The following RPS6KC1 variants were observed in gnomAD, a reference collection of about 807,000 sequenced individuals.
RPS6KC1 encodes ribosomal protein S6 kinase C1.
RPS6KC1 carries 54 observed loss-of-function variants against 103.8 expected under a neutral mutation model. The ratio of observed to expected loss-of-function variants is 0.52; its 90% CI spans 0.42 to 0.65. RPS6KC1 has a LOEUF of 0.65. RPS6KC1 is among the 30% of genes least tolerant of loss of function. The pLI, the probability that RPS6KC1 is intolerant of heterozygous loss-of-function variation, is 0.00. For synonymous variants in RPS6KC1, 439 were observed against 438.7 expected (o/e 1.00, Z -0.01); for missense variants, 1,151 against 1,253.8 (o/e 0.92, Z 1.24).
the RPS6KC1 span, among the ~76,000 whole-genome samples, chr1:213,670,900 A>G: frequency 6.6e-6 from 1 of 152,168 alleles, no homozygotes; most frequent in Non-Finnish European, 1.5e-5. Flanking sequence ...AGGTTTCCTC[A>G]ACAGTCTTGT....
In RPS6KC1 at chr1:213,130,916, C is replaced by A. The variant is rs569807173; in HGVS notation, c.835+1027C>A. Among the ~76,000 whole-genome samples the A allele has an allele frequency of 2.1e-3, 315 of 152,008 alleles. 1 individual carries two copies. The highest frequency in any genetic ancestry group is 7.0e-3 in the African/African-American group (289 of 41,498). On this transcript the variant is annotated intron_variant, in intron 6 of 14. Transcript: ENST00000366960. ...CTTTTAGTAACTTCTCATCCATCTA[C>A]CTTTTTTTTTTTAAATTATATTCCA...
the RPS6KC1 span, among the ~76,000 whole-genome samples, chr1:213,765,532 C>G: frequency 6.6e-6 from 1 of 152,174 alleles, no homozygotes; most frequent in Non-Finnish European, 1.5e-5. Flanking sequence ...CTCTTGAAGG[C>G]AAAGGTATTG....
chr1:213,622,062 C>T, the RPS6KC1 span, among the ~76,000 whole-genome samples: 1 of 152,136 alleles, frequency 6.6e-6, no homozygotes. Flanking sequence ...ATCTCCTCCC[C>T]TCAGAAAACC....
At chr1:213,615,728 G>T in the RPS6KC1 span, among the ~76,000 whole-genome samples, 1 of 152,264 alleles carries the variant, frequency 6.6e-6, no homozygotes, top group African/African-American at 2.4e-5. Context: ...AACTTTGCAA[G>T]CCAGCTGAGC....
At chr1:213,527,322 C>G in the RPS6KC1 span, among the ~76,000 whole-genome samples, 1,609 of 152,274 alleles carry the variant, frequency 0.011, 32 homozygotes, top group African/African-American at 0.037. Flanking sequence ...TCTTGTTTGA[C>G]CTTTGCAATT....
At chr1:213,794,451 C>G in the RPS6KC1 span, 1 of 152,060 alleles carries the variant, frequency 6.6e-6, no homozygotes, top group South Asian at 2.1e-4. Flanking sequence ...GGGATTTTGT[C>G]AGCACTGGGC....
chr1:213,109,397 A>G (rs1395673374), intron 4 of RPS6KC1, among the ~76,000 whole-genome samples: 2 of 152,176 alleles, frequency 1.3e-5, no homozygotes, highest in African/African-American at 4.8e-5. Flanking sequence ...TCGGCCTCCC[A>G]AAGTGCTGGG....
chr1:213,343,559 C>T, the RPS6KC1 span, among the ~76,000 whole-genome samples: 21 of 150,544 alleles, frequency 1.4e-4, no homozygotes, highest in African/African-American at 4.4e-4. Context: ...AAAAACCAAA[C>T]GTTGTATGTT....
chr1:213,447,310 C>T, the RPS6KC1 span, among the ~76,000 whole-genome samples: 1 of 152,066 alleles, frequency 6.6e-6, no homozygotes, highest in Non-Finnish European at 1.5e-5. Context: ...TCAAGCGATC[C>T]TCACACCTTG....
chr1:213,078,178 G>C (rs1200429034), intron 3 of RPS6KC1, among the ~76,000 whole-genome samples: 1 of 147,360 alleles, frequency 6.8e-6, no homozygotes, highest in African/African-American at 2.5e-5. Flanking sequence ...AGTATGAATG[G>C]TGTGGTTTTC....
chr1:213,828,470 A>G, the RPS6KC1 span, among the ~76,000 whole-genome samples: 1 of 152,226 alleles, frequency 6.6e-6, no homozygotes, highest in Non-Finnish European at 1.5e-5. Flanking sequence ...CACCGTGCAC[A>G]TGTTTTAAAA....
the RPS6KC1 span, among the ~76,000 whole-genome samples, chr1:213,538,094 A>G: frequency 6.6e-6 from 1 of 152,266 alleles, no homozygotes; most frequent in Non-Finnish European, 1.5e-5. Context: ...ACATCTGACC[A>G]TTAAGAGGAT....
intron 12 of RPS6KC1, among the ~76,000 whole-genome samples, chr1:213,256,519 G>C (rs552811568): frequency 6.7e-6 from 1 of 150,214 alleles, no homozygotes; most frequent in Non-Finnish European, 1.5e-5. Flanking sequence ...TAACACTAAC[G>C]ATAGCTGATG....
chr1:213,250,421 G>A (rs993592102), intron 12 of RPS6KC1, among the ~76,000 whole-genome samples: 2 of 152,144 alleles, frequency 1.3e-5, no homozygotes, highest in Non-Finnish European at 2.9e-5. Flanking sequence ...CAATGCTGGA[G>A]GACTTTATGG....
chr1:213,505,935 G>A, the RPS6KC1 span, among the ~76,000 whole-genome samples: 1 of 152,196 alleles, frequency 6.6e-6, no homozygotes. Flanking sequence ...GAGAGTGAGA[G>A]AGAGAGACTC....
chr1:213,730,143 T>C, the RPS6KC1 span, among the ~76,000 whole-genome samples: 3 of 152,256 alleles, frequency 2.0e-5, no homozygotes, highest in Non-Finnish European at 4.4e-5. Context: ...ATGGTGTATA[T>C]GTACCACATT....
At chr1:213,736,804 C>CT in the RPS6KC1 span, among the ~76,000 whole-genome samples, 1 of 152,240 alleles carries the variant, frequency 6.6e-6, no homozygotes, top group Non-Finnish European at 1.5e-5. Context: ...TAGGCAACTC[C>CT]TTGGTCCCAG....
chr1:213,799,424 G>A, the RPS6KC1 span, among the ~76,000 whole-genome samples: 3 of 152,170 alleles, frequency 2.0e-5, no homozygotes, highest in African/African-American at 4.8e-5. Flanking sequence ...AGATCATCCC[G>A]ACCTGAGCTT....
the RPS6KC1 span, among the ~76,000 whole-genome samples, chr1:213,339,399 G>A: frequency 2.4e-4 from 36 of 152,330 alleles, 1 homozygote; most frequent in African/African-American, 8.2e-4. Context: ...AATTGACTCT[G>A]TTTCAGACCA....
Sources: gnomAD v4.1 joint callset for allele counts (sites outside exome capture counted in the v4.1 genomes callset) on GRCh38, gnomAD v4.1.1 for gene constraint, MANE v1.5 for transcripts, NCBI Gene and HGNC (gene_info 2026-07-23, HGNC 2026-07-21) for gene names.